Variants in LVRN observed in about 807,000 individuals in gnomAD.
LVRN encodes aminopeptidase Q.
In LVRN, 99 loss-of-function variants were observed where a neutral mutation model predicts 111.4. The observed-to-expected ratio is 0.89, with a 90% CI of 0.76 to 1.05. The LOEUF is 1.05. Among genes scored for constraint, LVRN ranks in the 50% least tolerant of loss-of-function variants. The pLI, the probability that LVRN is intolerant of heterozygous loss-of-function variation, is 0.00. For missense variants in LVRN, 1,414 were observed against 1,206.8 expected (o/e 1.17, Z -2.54); for synonymous variants, 488 against 449.5 (o/e 1.09, Z -1.08).
chr5:115,974,295 T>A (rs569940643), intron 1 of LVRN, among the ~76,000 whole-genome samples: 5 of 152,332 alleles, frequency 3.3e-5, no homozygotes, highest in African/African-American at 1.2e-4. Context: ...CATACCAATC[T>A]ATACACCTAC....
At chr5:115,984,873 A>G (rs1747817988) in intron 3 of LVRN, among the ~76,000 whole-genome samples, 164 bp downstream of exon 3, 1 of 152,238 alleles carries the variant, frequency 6.6e-6, no homozygotes, top group East Asian at 1.9e-4. Context: ...AGAATGGGAC[A>G]TAACATTTCC....
At chr5:115,999,179 C>T (rs1209566511) in intron 6 of LVRN, among the ~76,000 whole-genome samples, 1 of 152,206 alleles carries the variant, frequency 6.6e-6, no homozygotes, top group Non-Finnish European at 1.5e-5. Flanking sequence ...TTGCCCTTAT[C>T]ATGTGTCTGA....
At chr5:116,001,401 C>A (rs540431334) in intron 10 of LVRN, among the ~76,000 whole-genome samples, 162 bp downstream of exon 10, 1 of 152,128 alleles carries the variant, frequency 6.6e-6, no homozygotes, top group Non-Finnish European at 1.5e-5. Flanking sequence ...GTCCGGGCAA[C>A]GCCAGAGACC....
intron 5 of LVRN, among the ~76,000 whole-genome samples, chr5:115,992,666 T>G (rs1561560794): frequency 1.3e-5 from 2 of 152,166 alleles, no homozygotes. Flanking sequence ...TGTTATAAAT[T>G]TCTAGTTGTT....
intron 19 of LVRN, among the ~76,000 whole-genome samples, chr5:116,022,906 CAG>C (rs986838131): frequency 1.3e-4 from 20 of 152,380 alleles, no homozygotes; most frequent in Admixed American, 2.6e-4. Flanking sequence ...CACTAAGTGT[CAG>C]AGAGCAAGAG....
intron 18 of LVRN, among the ~76,000 whole-genome samples, chr5:116,018,896 GCAGA>G (rs1422488007): frequency 6.6e-6 from 1 of 151,870 alleles, no homozygotes; most frequent in African/African-American, 2.4e-5. Context: ...GCAAAATTAA[GCAGA>G]CAGAGTTCCC....
In LVRN at chr5:116,008,441, C is replaced by G. The variant is rs547733056; in HGVS notation, c.2094-2300C>G. On this transcript the variant is annotated intron_variant, in intron 13 of 19. Coordinates refer to ENST00000357872, the MANE Select transcript of LVRN (RefSeq NM_173800.5). ...GAAAGGGGGAGTCCTGAATCTTTCA[C>G]TTTAAATCAAAAGCTAGAAATGATT... 9.3e-4 allele frequency among the ~76,000 whole-genome samples: 142 copies of G among 152,234 alleles called. 3 individuals are homozygous for G. Among genetic ancestry groups the G allele is most frequent in the Admixed American group, 9.2e-3 (141 of 15,292 alleles).
rs372394918 is a variant in LVRN, at chr5:115,963,061, C to T, written c.444C>T (p.Ser148=). Residue 148 remains serine, a synonymous_variant, in exon 1 of 20, where the codon AGC becomes AGT. Coordinates refer to ENST00000357872, the MANE Select transcript of LVRN (RefSeq NM_173800.5). ...TVATSRLLLH[S]LFQDCERAEV... Reference sequence around the variant, plus strand: ...CCACCTCTCGACTGCTGCTGCATAGCCTCTTCCAGGACTGCGAGCGCGCCG... The same window carrying T: ...CCACCTCTCGACTGCTGCTGCATAGTCTCTTCCAGGACTGCGAGCGCGCCG... The T allele has an allele frequency of 2.4e-5, 38 of 1,613,712 alleles. No homozygotes were observed. The African/African-American group carries it at 4.7e-4, about 20-fold the overall frequency.
rs115872178 is a variant in LVRN at position 116,024,582 on chromosome 5, C to T, written c.2833-1396C>T. 5.2e-3 allele frequency among the ~76,000 whole-genome samples: 793 copies of T among 152,196 alleles called. 7 individuals carry two copies. The highest frequency in any genetic ancestry group is 0.018 in the African/African-American group (745 of 41,508). ...CCAGAACATGCTGGTACAAAAGCTCCGCGAATCAAGACTCAGTGTGTGTTT... is the reference window on the plus strand; with the variant it reads ...CCAGAACATGCTGGTACAAAAGCTCTGCGAATCAAGACTCAGTGTGTGTTT... On this transcript the variant is annotated intron_variant, in intron 19 of 19. Coordinates refer to ENST00000357872, the MANE Select transcript of LVRN (RefSeq NM_173800.5).
intron 1 of LVRN, among the ~76,000 whole-genome samples, chr5:115,963,759 C>T (rs1753143405): frequency 6.6e-6 from 1 of 152,188 alleles, no homozygotes; most frequent in Non-Finnish European, 1.5e-5. Context: ...TTCCTATAAC[C>T]TTGCTCCGAA....
At chr5:116,007,314 C>T (rs1748395676) in intron 13 of LVRN, among the ~76,000 whole-genome samples, 1 of 152,136 alleles carries the variant, frequency 6.6e-6, no homozygotes, top group Non-Finnish European at 1.5e-5. Flanking sequence ...GCCAACTTAC[C>T]TATTAGGCCC....
chr5:115,963,408 C>T (rs147672024), intron 1 of LVRN, 96 bp downstream of exon 1: 6 of 923,650 alleles, frequency 6.5e-6, no homozygotes, highest in East Asian at 5.4e-5. Context: ...AGGTGCGCGT[C>T]TGCTGCCCTT....
At position 116,009,298 on chromosome 5, in the gene LVRN, A is replaced by G. The variant is rs180960518; in HGVS notation, c.2094-1443A>G. ...GATTCCTTCCAAAATATTACTGCTCATTGATGATGCACTTGGTTACACAAG... is the reference window on the plus strand; with the variant it reads ...GATTCCTTCCAAAATATTACTGCTCGTTGATGATGCACTTGGTTACACAAG... On this transcript the variant is annotated intron_variant, in intron 13 of 19. Coordinates refer to ENST00000357872, the MANE Select transcript of LVRN (RefSeq NM_173800.5). Among the ~76,000 whole-genome samples the G allele has an allele frequency of 4.0e-3, 609 of 152,344 alleles. 14 individuals carry two copies. The highest frequency in any genetic ancestry group is 0.038 in the Admixed American group (577 of 15,306).
chr5:116,010,474 T>C, intron 13 of LVRN: 1 of 506,432 alleles, frequency 2.0e-6, no homozygotes, highest in South Asian at 1.6e-5. Flanking sequence ...CTCTTCTATT[T>C]CCTAATAATC....
chr5:115,997,505 ATT>A (rs1274133808), intron 6 of LVRN, among the ~76,000 whole-genome samples: 1 of 151,998 alleles, frequency 6.6e-6, no homozygotes, highest in Non-Finnish European at 1.5e-5. Flanking sequence ...CTCTACTAAA[ATT>A]TTTTTAATTA....
intron 1 of LVRN, among the ~76,000 whole-genome samples, chr5:115,965,608 C>T (rs1183820479): frequency 6.6e-6 from 1 of 152,262 alleles, no homozygotes; most frequent in East Asian, 1.9e-4. Context: ...ACGCAAATCT[C>T]ATCTTGAATT....
intron 7 of LVRN, 112 bp from the exon 8 acceptor site, chr5:116,000,321 A>T (rs1580390882): frequency 7.0e-7 from 1 of 1,422,856 alleles, no homozygotes. Flanking sequence ...ATTCAACTAA[A>T]ATGCAAAATG....
intron 14 of LVRN, 30 bp from the exon 15 acceptor site, chr5:116,012,344 C>A (rs372685469): frequency 2.5e-5 from 30 of 1,217,372 alleles, no homozygotes; most frequent in Non-Finnish European, 3.2e-5. Context: ...CAAGCCAGAA[C>A]TAACAGTGTA....
chr5:115,964,689 C>G (rs1440577343), intron 1 of LVRN, among the ~76,000 whole-genome samples: 1 of 151,956 alleles, frequency 6.6e-6, no homozygotes, highest in African/African-American at 2.4e-5. Flanking sequence ...GTGGCCCAGT[C>G]AAGCTTGCAA....
Sources: gnomAD v4.1 joint callset for allele counts (sites outside exome capture counted in the v4.1 genomes callset) on GRCh38, gnomAD v4.1.1 for gene constraint, MANE v1.5 for transcripts, NCBI Gene and HGNC (gene_info 2026-07-23, HGNC 2026-07-21) for gene names.